Variants in SLC4A4 observed in about 807,000 individuals in gnomAD.
SLC4A4 encodes electrogenic sodium bicarbonate cotransporter 1.
Under a neutral mutation model 111.5 loss-of-function variants are expected in SLC4A4, and 27 were observed. That is an observed-to-expected ratio of 0.24 (90% CI 0.18 to 0.33). SLC4A4 has a LOEUF of 0.33. SLC4A4 is among the 10% of genes least tolerant of loss of function. The pLI is 1.00. For missense variants in SLC4A4, 909 were observed against 1,315.5 expected, an observed-to-expected ratio of 0.69 and a Z score of 4.78; for synonymous variants, 443 against 463.4, an observed-to-expected ratio of 0.96 and a Z score of 0.57.
At chr4:71,296,809 T>A (rs1433800232) in intron 3 of SLC4A4, among the ~76,000 whole-genome samples, 3 of 152,228 alleles carry the variant, frequency 2.0e-5, no homozygotes, top group Non-Finnish European at 4.4e-5. Context: ...TCCTTGTGGA[T>A]CTGTCATTTC....
In SLC4A4 at chr4:71,450,401, A is replaced by G; in HGVS notation, c.1066A>G (p.Ile356Val). Residue 356 changes from isoleucine (I) to valine (V), a missense_variant, in exon 10 of 26, where the codon ATT becomes GTT. Transcript: ENST00000264485. ...TATTATTCTTTAGGTGTTCCATGAC[A>G]TTGCTTATAAAGCAAAAGACAGGCA... ...TLMSDEVFHD[I>V]AYKAKDRHDL... The G allele has an allele frequency of 1.9e-6, 3 of 1,609,314 alleles. No homozygotes were observed. The highest frequency in any genetic ancestry group is 1.1e-5 in the South Asian group (1 of 91,000).
intron 2 of SLC4A4, among the ~76,000 whole-genome samples, chr4:71,170,666 T>C (rs1744909891): frequency 6.6e-6 from 1 of 152,196 alleles, no homozygotes; most frequent in African/African-American, 2.4e-5. Context: ...AATGTAAAAA[T>C]GCATAAGACA....
intron 16 of SLC4A4, among the ~76,000 whole-genome samples, chr4:71,531,645 TATA>T (rs1560592324): frequency 2.0e-5 from 3 of 151,936 alleles, no homozygotes; most frequent in Admixed American, 1.3e-4. Context: ...TGCAGATTTT[TATA>T]ATATGTACTT....
chr4:71,301,122 G>A lies in SLC4A4; in HGVS notation c.254-38248G>A, dbSNP rs898901402. ...CACCTGGCTGTCCACATGGCACAGTGCCAGCATGGGGGATGGGCACCACAC... is the reference window on the plus strand; with the variant it reads ...CACCTGGCTGTCCACATGGCACAGTACCAGCATGGGGGATGGGCACCACAC... On this transcript the variant is annotated intron_variant, in intron 3 of 25. Transcript: ENST00000264485. 1.6e-4 allele frequency: 60 copies of A among 364,464 alleles called. No homozygotes were observed. In the Admixed American group the frequency reaches 1.8e-3, roughly 11 times the overall value. 22.6% of individuals were successfully genotyped at this position (364,464 alleles called of 1,614,324 possible).
At chr4:71,203,017 T>G (rs1161536603) in intron 1 of SLC4A4, among the ~76,000 whole-genome samples, 2 of 152,114 alleles carry the variant, frequency 1.3e-5, no homozygotes, top group Non-Finnish European at 2.9e-5. Context: ...ACTAAGAATA[T>G]ATAACACATT....
At chr4:71,118,975 A>G (rs1743345519) in intron 2 of SLC4A4, among the ~76,000 whole-genome samples, 1 of 152,160 alleles carries the variant, frequency 6.6e-6, no homozygotes, top group Non-Finnish European at 1.5e-5. Context: ...CTGCTACTCT[A>G]ATAGTGGATA....
chr4:71,451,673 G>A (rs1725776559), intron 11 of SLC4A4, among the ~76,000 whole-genome samples: 1 of 152,082 alleles, frequency 6.6e-6, no homozygotes, highest in Non-Finnish European at 1.5e-5. Context: ...GCTACAGGAG[G>A]TGGGAGACAG....
chr4:71,131,420 G>T (rs1298826422), intron 2 of SLC4A4, among the ~76,000 whole-genome samples: 1 of 152,142 alleles, frequency 6.6e-6, no homozygotes, highest in Non-Finnish European at 1.5e-5. Context: ...TTAAACAGAT[G>T]ATTAAAGACC....
At chr4:71,344,487 G>A (rs954866184) in intron 4 of SLC4A4, among the ~76,000 whole-genome samples, 9 of 152,082 alleles carry the variant, frequency 5.9e-5, no homozygotes, top group African/African-American at 1.9e-4. Flanking sequence ...ATGCTTAGAA[G>A]GAATCCATTT....
At chr4:71,111,253 C>T (rs1743076639) in intron 2 of SLC4A4, among the ~76,000 whole-genome samples, 1 of 152,138 alleles carries the variant, frequency 6.6e-6, no homozygotes, top group Non-Finnish European at 1.5e-5. Flanking sequence ...CAACTTGTCA[C>T]CCTATTTGGC....
At chr4:71,076,241 T>G (rs1413666138) in intron 1 of SLC4A4, among the ~76,000 whole-genome samples, 1 of 152,072 alleles carries the variant, frequency 6.6e-6, no homozygotes. Context: ...TGAAGAATAT[T>G]GTTGAATGAA....
intron 14 of SLC4A4, among the ~76,000 whole-genome samples, chr4:71,483,734 T>C (rs185719813): frequency 8.5e-4 from 130 of 152,062 alleles, no homozygotes; most frequent in Non-Finnish European, 1.5e-3. Context: ...CTCTAGGTCT[T>C]TGAGGAATCA....
chr4:71,190,229 A>G (rs894342039), intron 1 of SLC4A4, among the ~76,000 whole-genome samples: 4 of 152,210 alleles, frequency 2.6e-5, no homozygotes, highest in Non-Finnish European at 5.9e-5. Context: ...CTCCCAATAT[A>G]TAAACTCTTG....
intron 1 of SLC4A4, among the ~76,000 whole-genome samples, chr4:71,196,913 T>C (rs1746035518): frequency 7.1e-6 from 1 of 141,402 alleles, no homozygotes; most frequent in Admixed American, 7.5e-5. Flanking sequence ...CTTATCCAAC[T>C]TTATTTAAAC....
chr4:71,142,366 G>C (rs1744021241), intron 2 of SLC4A4, among the ~76,000 whole-genome samples: 1 of 152,158 alleles, frequency 6.6e-6, no homozygotes, highest in Non-Finnish European at 1.5e-5. Flanking sequence ...AGTTCTGTTT[G>C]GGCGTTGGCT....
intron 6 of SLC4A4, among the ~76,000 whole-genome samples, chr4:71,366,916 G>T (rs1160591796): frequency 1.3e-5 from 2 of 152,214 alleles, no homozygotes; most frequent in Non-Finnish European, 2.9e-5. Context: ...TGGATGCTGT[G>T]CAAGTCTCAG....
intron 1 of SLC4A4, among the ~76,000 whole-genome samples, chr4:71,089,217 C>T (rs892517976): frequency 1.3e-5 from 2 of 151,968 alleles, no homozygotes; most frequent in East Asian, 1.9e-4. Context: ...GCATTCGTCA[C>T]ATAGTTTTGT....
intron 2 of SLC4A4, among the ~76,000 whole-genome samples, chr4:71,120,430 G>A (rs536155292): frequency 6.2e-4 from 95 of 152,274 alleles, no homozygotes; most frequent in Non-Finnish European, 6.3e-4. Context: ...TGGGCCTTGC[G>A]CTTTGATTTT....
intron 3 of SLC4A4, among the ~76,000 whole-genome samples, chr4:71,334,107 G>A (rs1200063165): frequency 6.6e-6 from 1 of 152,086 alleles, no homozygotes; most frequent in African/African-American, 2.4e-5. Flanking sequence ...CACCACAGCT[G>A]GGAATGCACT....
Sources: allele counts gnomAD v4.1 joint callset (sites outside exome capture counted in the v4.1 genomes callset), GRCh38; gene constraint gnomAD v4.1.1; transcripts MANE v1.5; gene names NCBI Gene and HGNC (gene_info 2026-07-23, HGNC 2026-07-21).